The following VPS13B variants were observed in gnomAD, a reference collection of about 807,000 sequenced individuals.
The protein encoded by VPS13B is vacuolar protein sorting 13 homolog B, also known as intermembrane lipid transfer protein VPS13B.
In VPS13B, 285 loss-of-function variants were observed where a neutral mutation model predicts 426.4. The ratio of observed to expected loss-of-function variants is 0.67; its 90% CI spans 0.61 to 0.74. The LOEUF (loss-of-function observed/expected upper bound fraction) is 0.74, where lower values mean the gene tolerates loss of function less well. VPS13B is among the 30% of genes least tolerant of loss of function. VPS13B has a pLI of 0.00. For missense variants in VPS13B, 4,537 were observed against 4,782.6 expected (o/e 0.95, Z 1.51); for synonymous variants, 1,676 against 1,676.4 (o/e 1.00, Z 0.01).
At chr8:99,282,314 A>T (rs1180557548) in intron 19 of VPS13B, among the ~76,000 whole-genome samples, 1 of 152,164 alleles carries the variant, frequency 6.6e-6, no homozygotes, top group African/African-American at 2.4e-5. Flanking sequence ...TATCTTCTTT[A>T]AAATGTTAAC....
intron 52 of VPS13B, among the ~76,000 whole-genome samples, chr8:99,834,543 T>A (rs368149462): frequency 6.3e-5 from 9 of 142,522 alleles, no homozygotes; most frequent in African/African-American, 2.0e-4. Context: ...ATTTTTATTT[T>A]TTATTTTTTT....
chr8:99,740,835 G>C (rs572844388), intron 39 of VPS13B, among the ~76,000 whole-genome samples: 1 of 151,938 alleles, frequency 6.6e-6, no homozygotes, highest in Non-Finnish European at 1.5e-5. Flanking sequence ...ACTAAACATG[G>C]AAAGGAACAA....
intron 23 of VPS13B, among the ~76,000 whole-genome samples, chr8:99,454,267 C>T (rs914327750): frequency 1.3e-5 from 2 of 152,154 alleles, no homozygotes; most frequent in African/African-American, 2.4e-5. Flanking sequence ...TCACTGCAGC[C>T]TCAAACTCCT....
chr8:99,492,630 C>T (rs763554810), intron 25 of VPS13B, among the ~76,000 whole-genome samples: 2 of 152,190 alleles, frequency 1.3e-5, no homozygotes, highest in Non-Finnish European at 2.9e-5. Context: ...CAGACTGCTG[C>T]GCTAGCAGTG....
intron 15 of VPS13B, among the ~76,000 whole-genome samples, chr8:99,163,761 G>A (rs1483099538): frequency 1.3e-5 from 2 of 148,436 alleles, no homozygotes; most frequent in African/African-American, 5.0e-5. Context: ...ACACAGCCCC[G>A]GTTCCCGCTC....
chr8:99,334,991 C>T (rs1323253813), intron 19 of VPS13B, among the ~76,000 whole-genome samples: 1 of 152,088 alleles, frequency 6.6e-6, no homozygotes, highest in Non-Finnish European at 1.5e-5. Flanking sequence ...TGGTCCTGGA[C>T]TCTTTTTGGT....
At chr8:99,646,472 C>T (rs1829581046) in intron 34 of VPS13B, among the ~76,000 whole-genome samples, 1 of 152,104 alleles carries the variant, frequency 6.6e-6, no homozygotes, top group South Asian at 2.1e-4. Flanking sequence ...CTGCAGTAAA[C>T]CGAGATTGCA....
chr8:99,700,561 G>T (rs1832224470), intron 36 of VPS13B, among the ~76,000 whole-genome samples: 1 of 152,200 alleles, frequency 6.6e-6, no homozygotes, highest in South Asian at 2.1e-4. Flanking sequence ...AGCAACACCT[G>T]GCAACGAAAA....
At chr8:99,425,606 A>G (rs1438700387) in intron 21 of VPS13B, among the ~76,000 whole-genome samples, 1 of 152,204 alleles carries the variant, frequency 6.6e-6, no homozygotes, top group East Asian at 1.9e-4. Flanking sequence ...CACAGCCAAT[A>G]TCATACTGAA....
chr8:99,539,886 T>C (rs1823465258), intron 30 of VPS13B, among the ~76,000 whole-genome samples: 1 of 148,218 alleles, frequency 6.7e-6, no homozygotes, highest in African/African-American at 2.5e-5. Flanking sequence ...AAAGGACTCA[T>C]TTATTTCTAT....
At chr8:99,593,252 A>T (rs985114077) in intron 33 of VPS13B, among the ~76,000 whole-genome samples, 1 of 152,104 alleles carries the variant, frequency 6.6e-6, no homozygotes, top group Non-Finnish European at 1.5e-5. Context: ...TGGGCCAAAG[A>T]CGTGGACAGA....
intron 33 of VPS13B, among the ~76,000 whole-genome samples, chr8:99,615,145 A>G (rs1002591892): frequency 8.0e-5 from 12 of 150,308 alleles, no homozygotes; most frequent in African/African-American, 2.7e-4. Flanking sequence ...AAAAAAATTT[A>G]CTTGCCAAAA....
chr8:99,332,039 G>A (rs1030752039), intron 19 of VPS13B, among the ~76,000 whole-genome samples: 1 of 151,660 alleles, frequency 6.6e-6, no homozygotes, highest in East Asian at 1.9e-4. Flanking sequence ...CAACAGTTTG[G>A]CTGCTCCAGA....
rs556873864 is a variant in VPS13B, at chr8:99,478,687, G to A, written c.3667-2912G>A. 1.5e-4 allele frequency among the ~76,000 whole-genome samples: 23 copies of A among 151,804 alleles called. No homozygotes were observed. In the East Asian group the frequency reaches 4.3e-3, roughly 28 times the overall value. On this transcript the variant is annotated intron_variant, in intron 24 of 61. Transcript: ENST00000357162. ...TGGTGTTGAACTCCTGACCTCAGGT[G>A]ATCCGCCTGCCTTGGCCTCCCAAAG...
rs75392758 is a variant in VPS13B, at chr8:99,314,336, A to G, written c.2824+39082A>G. Among the ~76,000 whole-genome samples the G allele has an allele frequency of 3.9e-3, 589 of 152,134 alleles. 6 individuals are homozygous for G. The highest frequency in any genetic ancestry group is 0.013 in the African/African-American group (524 of 41,484). Reference sequence around the variant, plus strand: ...ACCCCCGAGACTTGTTTTGTGTCATAACATGTGATCTACCTTGGAGAATGT... The same window carrying G: ...ACCCCCGAGACTTGTTTTGTGTCATGACATGTGATCTACCTTGGAGAATGT... On this transcript the variant is annotated intron_variant, in intron 19 of 61. Transcript: ENST00000357162.
intron 19 of VPS13B, among the ~76,000 whole-genome samples, chr8:99,285,402 A>G (rs1017954695): frequency 6.6e-6 from 1 of 152,288 alleles, no homozygotes; most frequent in East Asian, 1.9e-4. Context: ...TACTGCTTGT[A>G]TAGTAAAAGT....
chr8:99,415,903 C>T (rs150431049), intron 21 of VPS13B, among the ~76,000 whole-genome samples: 3,087 of 152,266 alleles, frequency 0.02, 115 homozygotes, highest in African/African-American at 0.07. Context: ...CGGGGACCCA[C>T]TTGAGGAGGC....
At chr8:99,417,171 C>G (rs962578894) in intron 21 of VPS13B, among the ~76,000 whole-genome samples, 5 of 152,068 alleles carry the variant, frequency 3.3e-5, no homozygotes, top group African/African-American at 9.7e-5. Flanking sequence ...TAGTAGCAAT[C>G]TGATTAACCA....
At chr8:99,234,055 G>A (rs187776778) in intron 17 of VPS13B, 126 of 775,868 alleles carry the variant, frequency 1.6e-4, no homozygotes, top group Middle Eastern at 3.2e-4. Flanking sequence ...GATCCGCAGC[G>A]GGAAATCAGT....
Sources: gnomAD v4.1 joint callset for allele counts (sites outside exome capture counted in the v4.1 genomes callset) on GRCh38, gnomAD v4.1.1 for gene constraint, MANE v1.5 for transcripts, NCBI Gene and HGNC (gene_info 2026-07-23, HGNC 2026-07-21) for gene names.